PALD1: variants seen among roughly 807,000 people sequenced by gnomAD.
PALD1 encodes the protein phosphatase domain containing paladin 1.
A neutral mutation model predicts 96.0 loss-of-function variants in PALD1; 57 were observed. The ratio of observed to expected loss-of-function variants is 0.59; its 90% CI spans 0.48 to 0.74. The LOEUF (loss-of-function observed/expected upper bound fraction) is 0.74. PALD1 is among the 30% of genes least tolerant of loss of function. The pLI is 0.00. For missense variants in PALD1, 1,063 were observed against 1,143.7 expected (o/e 0.93, Z 1.02); for synonymous variants, 464 against 473.6 (o/e 0.98, Z 0.26).
chr10:70,563,375 C>G (rs558049551), intron 18 of PALD1, among the ~76,000 whole-genome samples: 2 of 152,194 alleles, frequency 1.3e-5, no homozygotes, highest in East Asian at 3.9e-4. Flanking sequence ...CACCAGGCCT[C>G]CACGGCCCAG....
At position 70,493,313 on chromosome 10, in the gene PALD1, T is replaced by C. The variant is rs192326273; in HGVS notation, c.-30+14254T>C. ...TTCTGGCACATAAACAAGAGGTGCT[T>C]ACTGTAGAACTGTTCCTTAGTTTCT... On this transcript the variant is annotated intron_variant, in intron 1 of 19. Transcript: ENST00000263563. Among the ~76,000 whole-genome samples, 85 of 152,340 alleles carry C rather than the reference T, an allele frequency of 5.6e-4. 1 individual carries two copies. The highest frequency in any genetic ancestry group is 9.1e-4 in the Admixed American group (14 of 15,306).
Position 70,526,044 on chromosome 10 carries a change from C to G in PALD1, c.93C>G (p.His31Gln), listed in dbSNP as rs201680961. Reference protein sequence around the residue: ...LQGSGTMDSRHSVSIHSFQST... With the variant: ...LQGSGTMDSRQSVSIHSFQST... ...GCAGTGGCACGATGGACAGTCGGCA[C>G]TCCGTCAGCATCCACTCCTTCCAGA... The change falls in exon 2 of 20, where the codon CAC becomes CAG. Residue 31 changes from histidine to glutamine, a missense_variant. By Grantham distance (24) the His-to-Gln change is conservative. Coordinates refer to ENST00000263563, the MANE Select transcript of PALD1 (RefSeq NM_014431.3). 3.1e-6 allele frequency: 5 copies of G among 1,614,178 alleles called. No homozygotes were observed. The highest frequency in any genetic ancestry group is 1.6e-4 in the Middle Eastern group (1 of 6,062).
intron 18 of PALD1, among the ~76,000 whole-genome samples, chr10:70,554,047 G>A (rs993585606): frequency 1.8e-4 from 27 of 152,348 alleles, no homozygotes; most frequent in African/African-American, 6.3e-4. Flanking sequence ...CCACGGCGGT[G>A]CCCCTCTGTT....
At chr10:70,560,560 G>A (rs998112217) in intron 18 of PALD1, among the ~76,000 whole-genome samples, 3 of 152,022 alleles carry the variant, frequency 2.0e-5, no homozygotes, top group Non-Finnish European at 2.9e-5. Context: ...GATGTGACGC[G>A]CTCGGCCCGC....
At chr10:70,506,687 G>A (rs570133298) in intron 1 of PALD1, among the ~76,000 whole-genome samples, 1 of 152,298 alleles carries the variant, frequency 6.6e-6, no homozygotes, top group African/African-American at 2.4e-5. Context: ...GGGCCCAGGG[G>A]ACTTGATAGG....
the PALD1 span, among the ~76,000 whole-genome samples, chr10:70,460,879 A>AC: frequency 1.3e-5 from 2 of 152,022 alleles, no homozygotes; most frequent in African/African-American, 4.8e-5. Context: ...AACGTGGAGA[A>AC]CCCCGTCTCT....
chr10:70,472,707 A>G, the PALD1 span, among the ~76,000 whole-genome samples: 1 of 152,058 alleles, frequency 6.6e-6, no homozygotes, highest in South Asian at 2.1e-4. Context: ...GGGACTCTGC[A>G]GCGAGACCCA....
chr10:70,538,929 C>T lies in PALD1; in HGVS notation c.1490C>T (p.Thr497Ile), dbSNP rs1847173190. The T allele has an allele frequency of 2.5e-6, 4 of 1,613,814 alleles. No homozygotes were observed. Among genetic ancestry groups the T allele is most frequent in the Non-Finnish European group, 3.4e-6 (4 of 1,179,998 alleles). The change falls in exon 13 of 20, where the codon ACT (threonine) becomes ATT (isoleucine). Residue 497 changes from threonine (T) to isoleucine (I), a missense_variant. By Grantham distance (89) the Thr-to-Ile change is moderately conservative (BLOSUM62 -1). Transcript: ENST00000263563. Reference protein sequence around the residue: ...DDLVSPDALSTVREMDVANFR... With the variant: ...DDLVSPDALSIVREMDVANFR... ...CTGGTCTCCCCGGACGCGCTCAGCA[C>T]TGTCAGAGAGATGGATGTGGCCAAC... is the stretch of plus-strand genomic sequence containing the variant.
intron 1 of PALD1, among the ~76,000 whole-genome samples, chr10:70,499,108 C>G (rs1416276421): frequency 6.6e-6 from 1 of 152,100 alleles, no homozygotes; most frequent in Admixed American, 6.6e-5. Flanking sequence ...CCTTATTTTA[C>G]ACATAAGGGA....
chr10:70,466,685 T>C, the PALD1 span, among the ~76,000 whole-genome samples: 3 of 152,354 alleles, frequency 2.0e-5, no homozygotes, highest in South Asian at 6.2e-4. Context: ...CCGAGGCTTT[T>C]AAAATAGTGG....
upstream of PALD1, among the ~76,000 whole-genome samples, chr10:70,478,607 A>C (rs935969207): frequency 1.3e-5 from 2 of 152,162 alleles, no homozygotes. Flanking sequence ...GAGGAAGCGC[A>C]GCCGGGGAAC....
In PALD1 at chr10:70,526,021, A is replaced by G. The variant is rs148176261; in HGVS notation, c.70A>G (p.Ser24Gly). The G allele has an allele frequency of 6.2e-7, 1 of 1,614,214 alleles. No homozygotes were observed. Among genetic ancestry groups the G allele is most frequent in the Non-Finnish European group, 8.5e-7 (1 of 1,180,034 alleles). The change falls in exon 2 of 20, where the codon AGT (serine) becomes GGT (glycine). Residue 24 changes from serine to glycine, a missense_variant. Transcript: ENST00000263563. ...AGTPFEGLQG[S>G]GTMDSRHSVS... ...CACCCCATTTGAGGGCCTACAGGGCAGTGGCACGATGGACAGTCGGCACTC... is the reference window on the plus strand; with the variant it reads ...CACCCCATTTGAGGGCCTACAGGGCGGTGGCACGATGGACAGTCGGCACTC...
chr10:70,532,596 C>G (rs1055827764), intron 5 of PALD1, 25 bp from the exon 6 acceptor site: 2 of 1,609,986 alleles, frequency 1.2e-6, no homozygotes, highest in Non-Finnish European at 1.7e-6. Flanking sequence ...GGCCATGGCC[C>G]TCTGACCCCC....
At chr10:70,501,290 A>G (rs1382448049) in intron 1 of PALD1, among the ~76,000 whole-genome samples, 1 of 152,074 alleles carries the variant, frequency 6.6e-6, no homozygotes, top group Non-Finnish European at 1.5e-5. Context: ...CTGCTGCATG[A>G]GGTGAGGAAG....
At chr10:70,544,862 T>C (rs982807706) in intron 17 of PALD1, among the ~76,000 whole-genome samples, 2 of 152,218 alleles carry the variant, frequency 1.3e-5, no homozygotes, top group Non-Finnish European at 2.9e-5. Context: ...TTCCAGACTG[T>C]TCCTTTTTCT....
intron 18 of PALD1, among the ~76,000 whole-genome samples, chr10:70,552,710 C>A (rs1445538690): frequency 1.3e-5 from 2 of 152,200 alleles, no homozygotes; most frequent in Non-Finnish European, 2.9e-5. Flanking sequence ...GGCAGTCACA[C>A]CGCCATGATT....
intron 1 of PALD1, among the ~76,000 whole-genome samples, chr10:70,491,167 G>C (rs1401506902): frequency 6.6e-6 from 1 of 152,152 alleles, no homozygotes; most frequent in African/African-American, 2.4e-5. Context: ...GGATGGTCTC[G>C]ATCTCCTGAC....
chr10:70,491,934 T>C (rs1230950167), intron 1 of PALD1, among the ~76,000 whole-genome samples: 1 of 152,232 alleles, frequency 6.6e-6, no homozygotes. Flanking sequence ...CATTCCCTTT[T>C]ATGGCTGAGT....
chr10:70,462,803 G>A, the PALD1 span, among the ~76,000 whole-genome samples: 720 of 152,258 alleles, frequency 4.7e-3, 2 homozygotes, highest in African/African-American at 0.014. Context: ...CCTTGGCTGA[G>A]CTCTCTGGTT....
Sources: allele counts gnomAD v4.1 joint callset (sites outside exome capture counted in the v4.1 genomes callset), GRCh38; gene constraint gnomAD v4.1.1; transcripts MANE v1.5; gene names NCBI Gene and HGNC (gene_info 2026-07-23, HGNC 2026-07-21).